Variants in SDC2 observed in about 807,000 individuals in gnomAD.
SDC2 encodes syndecan-2.
Under a neutral mutation model 22.2 loss-of-function variants are expected in SDC2, and 13 were observed. That is an observed-to-expected ratio of 0.59 (90% CI 0.38 to 0.93). The LOEUF is 0.93. Ranked by LOEUF, SDC2 falls within the 40% of genes least tolerant of loss-of-function variation. The pLI is 0.00. For missense variants in SDC2, 235 were observed against 246.8 expected, an observed-to-expected ratio of 0.95 and a Z score of 0.32; for synonymous variants, 94 against 92.8, an observed-to-expected ratio of 1.01 and a Z score of -0.07.
At chr8:96,553,894 T>C (rs1212330269) in intron 1 of SDC2, among the ~76,000 whole-genome samples, 1 of 152,120 alleles carries the variant, frequency 6.6e-6, no homozygotes. Context: ...CACCTCAGCC[T>C]CCCAAGTAAC....
At chr8:96,607,630 C>G (rs558317937) in intron 3 of SDC2, among the ~76,000 whole-genome samples, 1 of 152,062 alleles carries the variant, frequency 6.6e-6, no homozygotes, top group Admixed American at 6.5e-5. Flanking sequence ...ACTAGAGATG[C>G]GGCTGTGAGA....
intron 1 of SDC2, among the ~76,000 whole-genome samples, chr8:96,542,081 C>T (rs1813859416): frequency 6.6e-6 from 1 of 152,142 alleles, no homozygotes. Context: ...TGAAAAAGCA[C>T]CAGAAATGGC....
At chr8:96,517,518 G>A (rs1202121115) in intron 1 of SDC2, among the ~76,000 whole-genome samples, 1 of 152,066 alleles carries the variant, frequency 6.6e-6, no homozygotes, top group Non-Finnish European at 1.5e-5. Context: ...ATGTTGTGGG[G>A]TTGGGGTACA....
intron 1 of SDC2, among the ~76,000 whole-genome samples, chr8:96,555,699 G>A (rs1378752693): frequency 6.6e-6 from 1 of 152,056 alleles, no homozygotes; most frequent in African/African-American, 2.4e-5. Flanking sequence ...TTCAGAAAAT[G>A]GGGCCACTTC....
chr8:96,521,845 TG>T (rs1275752541), intron 1 of SDC2, among the ~76,000 whole-genome samples: 3 of 152,348 alleles, frequency 2.0e-5, no homozygotes, highest in East Asian at 3.9e-4. Context: ...GAGCTGTTCG[TG>T]TTTTGTTTGA....
chr8:96,596,633 A>G (rs1258144408), intron 2 of SDC2, among the ~76,000 whole-genome samples: 1 of 152,236 alleles, frequency 6.6e-6, no homozygotes, highest in African/African-American at 2.4e-5. Context: ...GTGACATAAT[A>G]TAGGAAAGGG....
At chr8:96,574,533 A>T (rs1198316983) in intron 1 of SDC2, among the ~76,000 whole-genome samples, 2 of 152,148 alleles carry the variant, frequency 1.3e-5, no homozygotes, top group African/African-American at 4.8e-5. Flanking sequence ...CCAAGCAACA[A>T]CCAGGCAAGA....
chr8:96,547,024 T>G (rs1407928457), intron 1 of SDC2, among the ~76,000 whole-genome samples: 2 of 152,218 alleles, frequency 1.3e-5, no homozygotes, highest in African/African-American at 4.8e-5. Flanking sequence ...CATTTTCCAC[T>G]CAGCCTGTAG....
rs189440484 is a variant in SDC2, at chr8:96,514,521, A to C, written c.60+20190A>C. ...CCATGACCCATGTGTCATAGTGCAG[A>C]GCTTTCCTTCTGAGGCTTAAGTGAC... is the stretch of plus-strand genomic sequence containing the variant. On this transcript the variant is annotated intron_variant, in intron 1 of 4. Coordinates refer to ENST00000302190, the MANE Select transcript of SDC2 (RefSeq NM_002998.4). Among the ~76,000 whole-genome samples the C allele has an allele frequency of 1.8e-3, 269 of 152,254 alleles. 1 individual carries two copies. The highest frequency in any genetic ancestry group is 6.2e-3 in the African/African-American group (256 of 41,550).
At chr8:96,509,841 A>G (rs1381950956) in intron 1 of SDC2, among the ~76,000 whole-genome samples, 1 of 152,210 alleles carries the variant, frequency 6.6e-6, no homozygotes, top group Non-Finnish European at 1.5e-5. Flanking sequence ...TGCCTGTCAC[A>G]GTCTAAGCAG....
At chr8:96,518,808 A>G (rs2582819) in intron 1 of SDC2, among the ~76,000 whole-genome samples, 61,785 of 151,954 alleles carry the variant, frequency 0.41, 13,327 homozygotes, top group African/African-American at 0.48. Context: ...ATTAGGAATA[A>G]TATGGTTCAC....
chr8:96,591,391 G>A (rs1207924982), intron 1 of SDC2, among the ~76,000 whole-genome samples: 1 of 152,152 alleles, frequency 6.6e-6, no homozygotes, highest in African/African-American at 2.4e-5. Context: ...TAAACTACGA[G>A]GATCCTGGAG....
chr8:96,587,511 T>TA (rs1814706884), intron 1 of SDC2, among the ~76,000 whole-genome samples: 1 of 152,218 alleles, frequency 6.6e-6, no homozygotes, highest in East Asian at 1.9e-4. Context: ...TTCCTTCTGT[T>TA]ACATTTTTAG....
At chr8:96,578,887 C>T (rs952354561) in intron 1 of SDC2, among the ~76,000 whole-genome samples, 2 of 152,132 alleles carry the variant, frequency 1.3e-5, no homozygotes, top group Non-Finnish European at 2.9e-5. Flanking sequence ...TTAAACTTCC[C>T]AACTAATAAA....
At chr8:96,508,077 A>G (rs926484926) in intron 1 of SDC2, among the ~76,000 whole-genome samples, 1 of 152,156 alleles carries the variant, frequency 6.6e-6, no homozygotes, top group South Asian at 2.1e-4. Flanking sequence ...CGGGTGGATC[A>G]CGAGGCCAGG....
At chr8:96,594,351 C>T (rs1458861549) in intron 2 of SDC2, among the ~76,000 whole-genome samples, 1 of 152,084 alleles carries the variant, frequency 6.6e-6, no homozygotes, top group African/African-American at 2.4e-5. Flanking sequence ...GTACTCATAT[C>T]CCTGGGGCAG....
At chr8:96,554,997 T>G (rs1814086449) in intron 1 of SDC2, among the ~76,000 whole-genome samples, 2 of 152,076 alleles carry the variant, frequency 1.3e-5, no homozygotes, top group South Asian at 4.1e-4. Context: ...TCTTCGAATT[T>G]AAGCCTAATT....
intron 1 of SDC2, among the ~76,000 whole-genome samples, chr8:96,534,349 G>C (rs1218636632): frequency 6.6e-6 from 1 of 152,220 alleles, no homozygotes; most frequent in East Asian, 1.9e-4. Flanking sequence ...TGAGGGATGC[G>C]AGGGCTGCCA....
chr8:96,497,850 A>G (rs1813098636), intron 1 of SDC2, among the ~76,000 whole-genome samples: 1 of 152,314 alleles, frequency 6.6e-6, no homozygotes, highest in Non-Finnish European at 1.5e-5. Context: ...TCCTTCTTCC[A>G]TTGCCAAAAA....
Sources: gnomAD v4.1 joint callset for allele counts (sites outside exome capture counted in the v4.1 genomes callset) on GRCh38, gnomAD v4.1.1 for gene constraint, MANE v1.5 for transcripts, NCBI Gene and HGNC (gene_info 2026-07-23, HGNC 2026-07-21) for gene names.